Variants in DPP6 observed in about 807,000 individuals in gnomAD.
DPP6 encodes dipeptidyl peptidase like 6, also known as A-type potassium channel modulatory protein DPP6.
Under a neutral mutation model 122.6 loss-of-function variants are expected in DPP6, and 69 were observed. The ratio of observed to expected loss-of-function variants is 0.56; its 90% CI spans 0.46 to 0.69. DPP6 has a LOEUF of 0.69. Among genes scored for constraint, DPP6 ranks in the 30% least tolerant of loss-of-function variants. The probability of loss-of-function intolerance (pLI) is 0.00; values close to 1 mark genes in which losing one functional copy is unlikely to be tolerated. For missense variants in DPP6, 928 were observed against 1,116.9 expected, an observed-to-expected ratio of 0.83 and a Z score of 2.41; for synonymous variants, 418 against 433.1, an observed-to-expected ratio of 0.97 and a Z score of 0.43.
chr7:154,590,520 A>G (rs989490133), intron 5 of DPP6, among the ~76,000 whole-genome samples: 3 of 78,612 alleles, frequency 3.8e-5, no homozygotes, highest in Non-Finnish European at 7.5e-5. Flanking sequence ...TTTACTAATA[A>G]GGTAGATACT....
At chr7:154,809,926 C>T (rs1044563606) in intron 16 of DPP6, among the ~76,000 whole-genome samples, 3 of 152,138 alleles carry the variant, frequency 2.0e-5, no homozygotes, top group African/African-American at 7.2e-5. Flanking sequence ...CTGGAGTGCA[C>T]TAGTGCCATC....
Position 154,861,934 on chromosome 7 carries a change from C to T in DPP6, c.1715-6061C>T, listed in dbSNP as rs1291010611. On this transcript the variant is annotated intron_variant, in intron 17 of 25. Transcript: ENST00000377770. ...TTATAGCAGTGCCATTTTCACTGAACGCCTGAGCTATATGCCAAAACATTG... is the reference window on the plus strand; with the variant it reads ...TTATAGCAGTGCCATTTTCACTGAATGCCTGAGCTATATGCCAAAACATTG... Among the ~76,000 whole-genome samples, 8 of 152,120 alleles carry T rather than the reference C, an allele frequency of 5.3e-5. No individual in the cohort carries two copies. In the East Asian group the frequency reaches 1.3e-3, roughly 26 times the overall value.
At chr7:154,446,098 A>T in intron 1 of DPP6, 116 bp from the exon 2 acceptor site, 1 of 631,688 alleles carries the variant, frequency 1.6e-6, no homozygotes, top group East Asian at 2.9e-5. Context: ...GAATGGGAAG[A>T]TGCCTCTTTC....
At chr7:154,713,223 T>C (rs1382477741) in intron 7 of DPP6, among the ~76,000 whole-genome samples, 1 of 152,230 alleles carries the variant, frequency 6.6e-6, no homozygotes, top group African/African-American at 2.4e-5. Flanking sequence ...CTTTACAGGG[T>C]ACAGCCTACC....
chr7:154,787,384 A>G (rs2150414059), intron 10 of DPP6, among the ~76,000 whole-genome samples: 1 of 150,766 alleles, frequency 6.6e-6, no homozygotes, highest in South Asian at 2.1e-4. Flanking sequence ...TCCTTTCCCT[A>G]CTGATTTGGA....
chr7:154,585,429 GAGA>G (rs1199390152), intron 5 of DPP6, among the ~76,000 whole-genome samples: 2 of 152,190 alleles, frequency 1.3e-5, no homozygotes, highest in Admixed American at 6.5e-5. Flanking sequence ...TGATGAGACA[GAGA>G]AGAATGACTT....
intron 1 of DPP6, among the ~76,000 whole-genome samples, chr7:154,157,699 C>T (rs1270816646): frequency 4.6e-5 from 7 of 152,098 alleles, no homozygotes; most frequent in Non-Finnish European, 4.4e-5. Context: ...TTTGGGAGGC[C>T]GAGGCAGGCG....
chr7:154,666,131 C>T (rs1838134590), intron 6 of DPP6, among the ~76,000 whole-genome samples: 1 of 150,716 alleles, frequency 6.6e-6, no homozygotes, highest in Non-Finnish European at 1.5e-5. Context: ...TCTCATATCC[C>T]TTTCTTCTAT....
chr7:154,855,982 A>G (rs1434507559), intron 17 of DPP6, among the ~76,000 whole-genome samples: 1 of 152,204 alleles, frequency 6.6e-6, no homozygotes, highest in East Asian at 1.9e-4. Context: ...ACAGCATTGC[A>G]GCCTCCCGGG....
At chr7:153,833,421 C>T in the DPP6 span, among the ~76,000 whole-genome samples, 1 of 152,328 alleles carries the variant, frequency 6.6e-6, no homozygotes, top group African/African-American at 2.4e-5. Flanking sequence ...CACCTGTAAT[C>T]CCAGCACTTT....
In DPP6 at chr7:154,866,204, C is replaced by T. The variant is rs551746086; in HGVS notation, c.1715-1791C>T. Among the ~76,000 whole-genome samples, 7 of 152,336 alleles carry T rather than the reference C, an allele frequency of 4.6e-5. No homozygotes were observed. In the South Asian group the frequency reaches 1.2e-3, roughly 27 times the overall value. ...TGGGAAATGCTGTTCTCTTCATTACCAGGCAGCACTCCCTGCTAGTCTTCC... is the reference window on the plus strand; with the variant it reads ...TGGGAAATGCTGTTCTCTTCATTACTAGGCAGCACTCCCTGCTAGTCTTCC... On this transcript the variant is annotated intron_variant, in intron 17 of 25. Coordinates refer to ENST00000377770, the MANE Select transcript of DPP6 (RefSeq NM_130797.4).
chr7:154,175,169 C>T (rs1797734746), intron 1 of DPP6, among the ~76,000 whole-genome samples: 1 of 152,062 alleles, frequency 6.6e-6, no homozygotes, highest in Non-Finnish European at 1.5e-5. Context: ...AAGACGTTGT[C>T]ACGAACCCAG....
intron 1 of DPP6, among the ~76,000 whole-genome samples, chr7:154,360,770 G>A (rs10253790): frequency 0.045 from 6,831 of 152,252 alleles, 454 homozygotes; most frequent in African/African-American, 0.15. Context: ...GTTAGTATGG[G>A]GCTTCAGAAT....
chr7:154,015,231 TG>T (rs1248232155), intron 1 of DPP6, among the ~76,000 whole-genome samples: 13 of 152,070 alleles, frequency 8.5e-5, no homozygotes, highest in African/African-American at 2.4e-4. Flanking sequence ...CACTCTCTTC[TG>T]ATTTTCCCTT....
intron 3 of DPP6, among the ~76,000 whole-genome samples, chr7:154,517,810 G>A (rs988784457): frequency 2.0e-5 from 3 of 152,140 alleles, no homozygotes; most frequent in African/African-American, 7.2e-5. Context: ...GAAACCAACA[G>A]AACTTGGGCA....
At chr7:153,813,056 A>G in the DPP6 span, among the ~76,000 whole-genome samples, 1,975 of 152,076 alleles carry the variant, frequency 0.013, 24 homozygotes, top group Non-Finnish European at 0.022. Flanking sequence ...TTTAGGGTAC[A>G]TGTGCACAAT....
the DPP6 span, among the ~76,000 whole-genome samples, chr7:153,852,034 C>G: frequency 2.0e-5 from 3 of 152,116 alleles, no homozygotes; most frequent in Non-Finnish European, 4.4e-5. Flanking sequence ...TTACACTCTG[C>G]TTTGTTCTTT....
At chr7:154,215,460 G>A (rs1799947672) in intron 1 of DPP6, among the ~76,000 whole-genome samples, 1 of 152,150 alleles carries the variant, frequency 6.6e-6, no homozygotes, top group Admixed American at 6.5e-5. Flanking sequence ...GAGGCTCTGT[G>A]GTGTGCGGAT....
chr7:154,072,173 A>G (rs2150510576), intron 1 of DPP6, among the ~76,000 whole-genome samples: 1 of 152,402 alleles, frequency 6.6e-6, no homozygotes, highest in East Asian at 1.9e-4. Flanking sequence ...TTATTACATA[A>G]GGGAAAACTG....
Sources: allele counts gnomAD v4.1 joint callset (sites outside exome capture counted in the v4.1 genomes callset), GRCh38; gene constraint gnomAD v4.1.1; transcripts MANE v1.5; gene names NCBI Gene and HGNC (gene_info 2026-07-23, HGNC 2026-07-21).